The following MAPK4 variants were observed in gnomAD, a reference collection of about 807,000 sequenced individuals.
MAPK4 encodes mitogen-activated protein kinase 4.
In MAPK4, 22 loss-of-function variants were observed where a neutral mutation model predicts 47.7. The ratio of observed to expected loss-of-function variants is 0.46; its 90% CI spans 0.33 to 0.66. The LOEUF (loss-of-function observed/expected upper bound fraction) is 0.66. Among genes scored for constraint, MAPK4 ranks in the 30% least tolerant of loss-of-function variants. The probability of loss-of-function intolerance (pLI) is 0.02; values close to 1 mark genes in which losing one functional copy is unlikely to be tolerated. For missense variants in MAPK4, 736 were observed against 831.7 expected, an observed-to-expected ratio of 0.88 and a Z score of 1.42; for synonymous variants, 390 against 365.7, an observed-to-expected ratio of 1.07 and a Z score of -0.76.
At chr18:50,589,134 G>C (rs964429492) in intron 1 of MAPK4, among the ~76,000 whole-genome samples, 6 of 152,158 alleles carry the variant, frequency 3.9e-5, no homozygotes, top group African/African-American at 1.4e-4. Context: ...GTGGGTCCCT[G>C]GCTGTTGACA....
chr18:50,675,592 C>T (rs1186166979), intron 2 of MAPK4, among the ~76,000 whole-genome samples: 1 of 151,826 alleles, frequency 6.6e-6, no homozygotes, highest in African/African-American at 2.4e-5. Flanking sequence ...CCTGGGTTCA[C>T]GTGATTCTCC....
At chr18:50,712,024 A>G (rs1910394558) in intron 2 of MAPK4, among the ~76,000 whole-genome samples, 1 of 152,010 alleles carries the variant, frequency 6.6e-6, no homozygotes, top group South Asian at 2.1e-4. Flanking sequence ...GGAGCTTCCC[A>G]TATATTCCCA....
intron 1 of MAPK4, among the ~76,000 whole-genome samples, chr18:50,601,635 A>G (rs1192893108): frequency 6.6e-6 from 1 of 151,970 alleles, no homozygotes; most frequent in Non-Finnish European, 1.5e-5. Flanking sequence ...AATAGGATGC[A>G]CCTCTCCAGT....
At chr18:50,576,343 C>T (rs989542750) in intron 1 of MAPK4, among the ~76,000 whole-genome samples, 3 of 152,104 alleles carry the variant, frequency 2.0e-5, no homozygotes, top group African/African-American at 7.2e-5. Flanking sequence ...TTTGCAGCAA[C>T]GTGGATGGAG....
At chr18:50,638,408 G>A (rs993246920) in intron 1 of MAPK4, among the ~76,000 whole-genome samples, 4 of 152,176 alleles carry the variant, frequency 2.6e-5, no homozygotes, top group African/African-American at 7.2e-5. Flanking sequence ...AAGGCAGCAC[G>A]TCTTTCCCCT....
intron 1 of MAPK4, among the ~76,000 whole-genome samples, chr18:50,595,965 C>A (rs1422409960): frequency 6.6e-6 from 1 of 152,104 alleles, no homozygotes; most frequent in Non-Finnish European, 1.5e-5. Context: ...TCGTTTGTCT[C>A]AGTGGGTGTC....
chr18:50,590,656 A>T (rs1156657757), intron 1 of MAPK4, among the ~76,000 whole-genome samples: 1 of 152,258 alleles, frequency 6.6e-6, no homozygotes, highest in Non-Finnish European at 1.5e-5. Context: ...TGTTATATAT[A>T]TGCAAAAATT....
At chr18:50,633,061 T>C (rs1217178514) in intron 1 of MAPK4, among the ~76,000 whole-genome samples, 1 of 152,192 alleles carries the variant, frequency 6.6e-6, no homozygotes, top group Non-Finnish European at 1.5e-5. Flanking sequence ...GTAGTCTGGA[T>C]TCCTGGACAA....
intron 1 of MAPK4, among the ~76,000 whole-genome samples, chr18:50,646,378 C>T (rs2042989457): frequency 6.6e-6 from 1 of 152,162 alleles, no homozygotes; most frequent in Admixed American, 6.5e-5. Flanking sequence ...TTACCCTTGG[C>T]TGTTTTCTGG....
At chr18:50,644,189 A>C (rs2042967166) in intron 1 of MAPK4, among the ~76,000 whole-genome samples, 1 of 152,144 alleles carries the variant, frequency 6.6e-6, no homozygotes, top group African/African-American at 2.4e-5. Flanking sequence ...AGGGGGGAAC[A>C]ACATGATAGG....
At chr18:50,589,474 T>C (rs1157621395) in intron 1 of MAPK4, among the ~76,000 whole-genome samples, 1 of 151,950 alleles carries the variant, frequency 6.6e-6, no homozygotes, top group African/African-American at 2.4e-5. Context: ...CGGGCGCCTG[T>C]AGTCCCAGCT....
chr18:50,648,518 G>C (rs1266091476), intron 1 of MAPK4, among the ~76,000 whole-genome samples: 1 of 152,206 alleles, frequency 6.6e-6, no homozygotes, highest in African/African-American at 2.4e-5. Flanking sequence ...ACTGATTGCA[G>C]GGGATGCAGG....
At chr18:50,709,270 C>T (rs1025537792) in intron 2 of MAPK4, among the ~76,000 whole-genome samples, 8 of 152,172 alleles carry the variant, frequency 5.3e-5, no homozygotes, top group African/African-American at 4.8e-5. Context: ...AGTTTTTCTT[C>T]TTCCAAGGAA....
intron 1 of MAPK4, among the ~76,000 whole-genome samples, chr18:50,594,202 G>A (rs536093456): frequency 6.6e-6 from 1 of 152,244 alleles, no homozygotes; most frequent in East Asian, 1.9e-4. Flanking sequence ...TTCTAGCCGC[G>A]CTGGCAGCCA....
intron 1 of MAPK4, among the ~76,000 whole-genome samples, chr18:50,563,272 AG>A (rs2042169687): frequency 6.6e-6 from 1 of 152,260 alleles, no homozygotes; most frequent in East Asian, 1.9e-4. Context: ...AGATGGGCAA[AG>A]ACAACTAACA....
intron 2 of MAPK4, among the ~76,000 whole-genome samples, chr18:50,668,608 A>G (rs541421911): frequency 4.6e-5 from 7 of 152,292 alleles, no homozygotes; most frequent in African/African-American, 1.4e-4. Flanking sequence ...TGTGGGTGGC[A>G]ATGGAGGATG....
chr18:50,673,272 G>A (rs890183383), intron 2 of MAPK4, among the ~76,000 whole-genome samples: 1 of 152,058 alleles, frequency 6.6e-6, no homozygotes, highest in African/African-American at 2.4e-5. Flanking sequence ...GTGAAACTCC[G>A]CCTCAAAAAA....
intron 1 of MAPK4, among the ~76,000 whole-genome samples, chr18:50,563,742 G>A (rs530377624): frequency 9.9e-5 from 15 of 152,124 alleles, no homozygotes; most frequent in African/African-American, 2.9e-4. Context: ...TGCCCATTTC[G>A]TCACTCCTTC....
chr18:50,581,825 C>G (rs1030564395), intron 1 of MAPK4, among the ~76,000 whole-genome samples: 1 of 152,108 alleles, frequency 6.6e-6, no homozygotes, highest in Admixed American at 6.5e-5. Flanking sequence ...GTTTGGGGAC[C>G]TAGGAAAGTT....
Sources: allele counts gnomAD v4.1 joint callset (sites outside exome capture counted in the v4.1 genomes callset), GRCh38; gene constraint gnomAD v4.1.1; transcripts MANE v1.5; gene names NCBI Gene and HGNC (gene_info 2026-07-23, HGNC 2026-07-21).